Variants in MAP3K9 observed in about 807,000 individuals in gnomAD.
MAP3K9 encodes mixed lineage kinase 1 (tyr and ser/thr specificity).
Under a neutral mutation model 95.8 loss-of-function variants are expected in MAP3K9, and 46 were observed. The observed-to-expected ratio is 0.48, with a 90% CI of 0.38 to 0.61. MAP3K9 has a LOEUF of 0.61. Among genes scored for constraint, MAP3K9 ranks in the 20% least tolerant of loss-of-function variants. MAP3K9 has a pLI of 0.00. For synonymous variants in MAP3K9, 533 were observed against 593.8 expected (o/e 0.90, Z 1.49); for missense variants, 1,296 against 1,474.3 (o/e 0.88, Z 1.98).
intron 2 of MAP3K9, among the ~76,000 whole-genome samples, chr14:70,785,506 T>G (rs142974202): frequency 1.8e-3 from 277 of 152,292 alleles, no homozygotes; most frequent in Middle Eastern, 3.4e-3. Context: ...GAAAAGATCT[T>G]GTTGTACTGT....
In MAP3K9 at chr14:70,730,439, C is replaced by T; in HGVS notation, c.3256G>A (p.Ala1086Thr). ...SQDSTVPLCRAELNTHRPAPY... is the reference protein window; with the variant it reads ...SQDSTVPLCRTELNTHRPAPY... ...GCAGGCCTGTGTGTGTTCAGTTCCG[C>T]TCTGCACAGCGGCACGGTGCTGTCC... is the stretch of plus-strand genomic sequence containing the variant. Residue 1086 changes from alanine (A) to threonine (T), a missense_variant, in exon 12 of 12, where the codon GCG becomes ACG. By Grantham distance (58) the Ala-to-Thr change is moderately conservative. This residue lies in a region of MAP3K9 where 433 missense variants were observed against 441.4 expected (regional missense o/e 0.98). Transcript: ENST00000554752. 1 of 1,614,238 alleles carries T rather than the reference C, an allele frequency of 6.2e-7. No homozygotes were observed. Among genetic ancestry groups the T allele is most frequent in the Non-Finnish European group, 8.5e-7 (1 of 1,180,052 alleles).
Position 70,808,965 on chromosome 14 carries a change from G to C in MAP3K9, c.207C>G (p.Asp69Glu). The change falls in exon 1 of 12, where the codon GAC (aspartate) becomes GAG (glutamate). Residue 69 changes from aspartate (D) to glutamate (E), a missense_variant. This residue lies in a region of MAP3K9 where 338 missense variants were observed against 363.4 expected (regional missense o/e 0.93). Transcript: ENST00000554752. The part of the protein sequence containing the change: ...AVFEYEAAGE[D>E]ELTLRLGDVV... ...CGTCGCCCAGCCGCAGGGTCAGCTC[G>C]TCCTCGCCCGCCGCCTCGTACTCGA... 6.4e-7 allele frequency: 1 copy of C among 1,572,714 alleles called. No homozygotes were observed. Among genetic ancestry groups the C allele is most frequent in the South Asian group, 1.2e-5 (1 of 86,104 alleles).
At chr14:70,783,214 C>T (rs1200711763) in intron 2 of MAP3K9, 4 of 966,844 alleles carry the variant, frequency 4.1e-6, no homozygotes, top group Non-Finnish European at 2.5e-6. Flanking sequence ...TATAAAGCCA[C>T]AGACTCACAT....
rs373287003 is a variant in MAP3K9, at chr14:70,800,816, C to A, written c.671G>T (p.Arg224Leu). 3 of 1,614,192 alleles carry A rather than the reference C, an allele frequency of 1.9e-6. No homozygotes were observed. The highest frequency in any genetic ancestry group is 1.7e-5 in the Admixed American group (1 of 60,020). ...PNLCLVMEFA[R>L]GGPLNRVLSG... is the part of the protein sequence containing the mutation. Reference sequence around the variant, plus strand: ...TAACACTCTATTCAAAGGTCCTCCACGAGCAAACTCCATGACCAAGCAGAG... The same window carrying A: ...TAACACTCTATTCAAAGGTCCTCCAAGAGCAAACTCCATGACCAAGCAGAG... Residue 224 changes from arginine to leucine, a missense_variant, in exon 2 of 12, where the codon CGT becomes CTT. Coordinates refer to ENST00000554752, the MANE Select transcript of MAP3K9 (RefSeq NM_001284230.2).
At position 70,756,423 on chromosome 14, in the gene MAP3K9, T is replaced by C. The variant is rs967941476; in HGVS notation, c.1001+4579A>G. Among the ~76,000 whole-genome samples the C allele has an allele frequency of 2.2e-4, 33 of 150,568 alleles. 1 individual carries two copies. Among genetic ancestry groups the C allele is most frequent in the Admixed American group, 1.9e-3 (29 of 15,126 alleles). On this transcript the variant is annotated intron_variant, in intron 3 of 11. Coordinates refer to ENST00000554752, the MANE Select transcript of MAP3K9 (RefSeq NM_001284230.2). ...TTCCATTAAAAAAGGCAAGAGAGAG[T>C]TGAGTGTGACAAGTGGCTGCTTGTC...
In MAP3K9 at chr14:70,734,409, C is replaced by G. The variant is rs575813257; in HGVS notation, c.2003G>C (p.Gly668Ala). 10 of 1,613,990 alleles carry G rather than the reference C, an allele frequency of 6.2e-6. No homozygotes were observed. The highest frequency in any genetic ancestry group is 5.3e-5 in the African/African-American group (4 of 75,026). Residue 668 changes from glycine to alanine, a missense_variant, in exon 10 of 12, where the codon GGG (glycine) becomes GCG (alanine). Around this residue, in one of 5 missense-constraint regions of MAP3K9, gnomAD observed 377 missense variants for 417.1 expected, o/e 0.90. Transcript: ENST00000554752. ...KGPRSSPALP[G>A]FTSLMEMEDE... Reference sequence around the variant, plus strand: ...ACCCATCTCCATAAGGCTGGTGAACCCTGGCAGGGCCGGGCTACTCCTTGG... The same window carrying G: ...ACCCATCTCCATAAGGCTGGTGAACGCTGGCAGGGCCGGGCTACTCCTTGG...
At chr14:70,740,296 G>T in intron 6 of MAP3K9, 132 bp from the exon 7 acceptor site, 1 of 921,928 alleles carries the variant, frequency 1.1e-6, no homozygotes, top group Non-Finnish European at 1.6e-6. Flanking sequence ...GTTCACCTGG[G>T]AAATGTTCTC....
chr14:70,770,372 C>T (rs949168234), intron 2 of MAP3K9, among the ~76,000 whole-genome samples: 3 of 151,314 alleles, frequency 2.0e-5, no homozygotes, highest in Admixed American at 6.6e-5. Context: ...TTAGTAGAGA[C>T]GGGGTTTTAC....
intron 2 of MAP3K9, among the ~76,000 whole-genome samples, chr14:70,763,217 T>C (rs1016059550): frequency 2.0e-5 from 3 of 152,264 alleles, no homozygotes; most frequent in Non-Finnish European, 2.9e-5. Context: ...GAGTGCATTG[T>C]GTAAACCTCA....
At position 70,751,326 on chromosome 14, in the gene MAP3K9, T is replaced by C. The variant is rs542708693; in HGVS notation, c.1002-1245A>G. ...GGACAAGAAACCATAAGGCTATGAA[T>C]AGTTAGAAGAATGGCTCTCCTTATG... is the stretch of plus-strand genomic sequence containing the variant. On this transcript the variant is annotated intron_variant, in intron 3 of 11. Transcript: ENST00000554752. Among the ~76,000 whole-genome samples the C allele has an allele frequency of 1.3e-3, 203 of 152,324 alleles. 2 individuals are homozygous for C. The highest frequency in any genetic ancestry group is 4.5e-3 in the African/African-American group (187 of 41,584).
chr14:70,804,431 G>A (rs1210445679), intron 1 of MAP3K9, among the ~76,000 whole-genome samples: 1 of 152,184 alleles, frequency 6.6e-6, no homozygotes, highest in Admixed American at 6.5e-5. Context: ...AGAAATACAT[G>A]TTAAGAGTCT....
chr14:70,752,404 G>A (rs944828420), intron 3 of MAP3K9, among the ~76,000 whole-genome samples: 2 of 152,220 alleles, frequency 1.3e-5, no homozygotes, highest in Non-Finnish European at 2.9e-5. Flanking sequence ...GTATGGGAGT[G>A]AGCGCATGGT....
At chr14:70,781,023 C>T (rs2054668705) in intron 2 of MAP3K9, among the ~76,000 whole-genome samples, 1 of 152,222 alleles carries the variant, frequency 6.6e-6, no homozygotes, top group Non-Finnish European at 1.5e-5. Flanking sequence ...CAAAGTGGTC[C>T]ATCATCTCCC....
rs566965450 is a variant in MAP3K9, at chr14:70,733,198, A to C, written c.2171T>G (p.Val724Gly). 6 of 1,610,670 alleles carry C rather than the reference A, an allele frequency of 3.7e-6. No homozygotes were observed. In the African/African-American group the frequency reaches 6.7e-5, roughly 18 times the overall value. ...SDGIHEEPTP[V>G]NSATSTPQLT... ...CTGAGGGGTACTCGTGGCCGAGTTG[A>C]CTGGGGTGGGCTCCTCATGGATTCC... Residue 724 changes from valine (V) to glycine (G), a missense_variant, in exon 11 of 12, where the codon GTC (valine) becomes GGC (glycine). Transcript: ENST00000554752.
chr14:70,788,471 A>G lies in MAP3K9; in HGVS notation c.820+12196T>C, dbSNP rs150912337. Among the ~76,000 whole-genome samples the G allele has an allele frequency of 1.1e-4, 17 of 152,328 alleles. No individual in the cohort carries two copies. The East Asian group carries it at 3.1e-3, about 28-fold the overall frequency. ...GGTATTATCATTATTCCCGCTTTAC[A>G]TCTGCAAAAGCTAAGCCACAGAGGG... On this transcript the variant is annotated intron_variant, in intron 2 of 11. Coordinates refer to ENST00000554752, the MANE Select transcript of MAP3K9 (RefSeq NM_001284230.2).
chr14:70,733,015 G>A lies in MAP3K9; in HGVS notation c.2354C>T (p.Pro785Leu). ...CQLLPLEEPEPPAREEKKRRE... is the reference protein window; with the variant it reads ...CQLLPLEEPELPAREEKKRRE... The stretch of plus-strand genomic sequence containing the variant: ...TCTTTTCTTCTCCTCCCGGGCTGGT[G>A]GCTCAGGCTCCTCCAGGGGAAGCAG... Residue 785 changes from proline (P) to leucine (L), a missense_variant, in exon 11 of 12, where the codon CCA becomes CTA. Pro to Leu is a moderately conservative substitution (Grantham distance 98). This residue lies in a region of MAP3K9 where 433 missense variants were observed against 441.4 expected (regional missense o/e 0.98). Coordinates refer to ENST00000554752, the MANE Select transcript of MAP3K9 (RefSeq NM_001284230.2). 1 of 1,614,162 alleles carries A rather than the reference G, an allele frequency of 6.2e-7. No homozygotes were observed. The highest frequency in any genetic ancestry group is 8.5e-7 in the Non-Finnish European group (1 of 1,180,034).
At chr14:70,808,448 G>A (rs2055018149) in intron 1 of MAP3K9, among the ~76,000 whole-genome samples, 1 of 150,288 alleles carries the variant, frequency 6.7e-6, no homozygotes, top group African/African-American at 2.5e-5. Context: ...GCGGGGGGGT[G>A]GGTAAGAGAA....
intron 2 of MAP3K9, among the ~76,000 whole-genome samples, chr14:70,778,443 T>A (rs1327573998): frequency 6.6e-6 from 1 of 152,074 alleles, no homozygotes; most frequent in African/African-American, 2.4e-5. Context: ...ACCTGGCTAA[T>A]TTTTGTGTTT....
In MAP3K9 at chr14:70,735,825, CA is replaced by C. The variant is rs764549538; in HGVS notation, c.1913+135del. On this transcript the variant is annotated intron_variant, in intron 9 of 11. Transcript: ENST00000554752. ...AGGTGCACAATGGTACTGCTTAAAA[CA>C]AAAACAAAAACAAAAAAGTCAGTTC... is the stretch of plus-strand genomic sequence containing the variant. 3.3e-5 allele frequency: 24 copies of C among 720,304 alleles called. 1 individual carries two copies. The highest frequency in any genetic ancestry group is 4.9e-5 in the South Asian group (3 of 61,762). The allele number at this position is 720,304 out of a possible 1,614,324, so 44.6% of individuals were successfully genotyped here.
Sources: gnomAD v4.1 joint callset for allele counts (sites outside exome capture counted in the v4.1 genomes callset) on GRCh38, gnomAD v4.1.1 for gene constraint, gnomAD v4.1.1 regional missense constraint, MANE v1.5 for transcripts, NCBI Gene and HGNC (gene_info 2026-07-23, HGNC 2026-07-21) for gene names.